SLC37A1: variants seen among roughly 807,000 people sequenced by gnomAD.
SLC37A1 encodes solute carrier family 37 member 1, also known as glucose-6-phosphate exchanger SLC37A1.
Under a neutral mutation model 75.3 loss-of-function variants are expected in SLC37A1, and 49 were observed. That is an observed-to-expected ratio of 0.65 (90% CI 0.52 to 0.83). The LOEUF (loss-of-function observed/expected upper bound fraction) is 0.83. Among genes scored for constraint, SLC37A1 ranks in the 40% least tolerant of loss-of-function variants. The probability of loss-of-function intolerance (pLI) is 0.00; values close to 1 mark genes in which losing one functional copy is unlikely to be tolerated. For synonymous variants in SLC37A1, 268 were observed against 292.1 expected, an observed-to-expected ratio of 0.92 and a Z score of 0.84; for missense variants, 566 against 695.0, an observed-to-expected ratio of 0.81 and a Z score of 2.09.
intron 18 of SLC37A1, among the ~76,000 whole-genome samples, chr21:42,577,699 T>G (rs1255701425): frequency 6.6e-6 from 1 of 152,166 alleles, no homozygotes; most frequent in East Asian, 1.9e-4. Context: ...ATGAAAATGA[T>G]CCCAGCATGC....
chr21:42,553,328 T>C (rs1339761576), intron 9 of SLC37A1, among the ~76,000 whole-genome samples: 1 of 152,264 alleles, frequency 6.6e-6, no homozygotes, highest in Non-Finnish European at 1.5e-5. Flanking sequence ...TACAGACTGA[T>C]TCCTTATTTT....
At position 42,521,047 on chromosome 21, in the gene SLC37A1, G is replaced by A. The variant is rs551675889; in HGVS notation, c.56+2537G>A. Among the ~76,000 whole-genome samples, 61 of 152,314 alleles carry A rather than the reference G, an allele frequency of 4.0e-4. No individual in the cohort carries two copies. In the South Asian group the frequency reaches 0.01, roughly 26 times the overall value. On this transcript the variant is annotated intron_variant, in intron 2 of 19. Transcript: ENST00000352133. Reference sequence around the variant, plus strand: ...GTGGAAGCTGGCCGCTAGGTGGAGCGGGGATGTGGAGCCGCTGCAGGGTAC... The same window carrying A: ...GTGGAAGCTGGCCGCTAGGTGGAGCAGGGATGTGGAGCCGCTGCAGGGTAC...
At chr21:42,513,574 C>T (rs1482535327), upstream of SLC37A1, among the ~76,000 whole-genome samples, 1 of 151,780 alleles carries the variant, frequency 6.6e-6, no homozygotes, top group African/African-American at 2.4e-5. Flanking sequence ...GCCCGGAGGC[C>T]GGTGGGGAGC....
intron 16 of SLC37A1, among the ~76,000 whole-genome samples, chr21:42,567,907 ATCAGGTTGAATTT>A (rs2056020713): frequency 6.6e-6 from 1 of 151,940 alleles, no homozygotes; most frequent in African/African-American, 2.4e-5. Context: ...TTTGCTATTG[ATCAGGTTGAATTT>A]TAGGTCCTGC....
At chr21:42,557,039 G>C (rs1179178642) in intron 10 of SLC37A1, among the ~76,000 whole-genome samples, 1 of 152,250 alleles carries the variant, frequency 6.6e-6, no homozygotes, top group Non-Finnish European at 1.5e-5. Context: ...AATCCTGCAA[G>C]GGCCGTGGGC....
rs1206878961 is a variant in SLC37A1 at position 42,552,063 on chromosome 21, G to A, written c.769-1999G>A. Reference sequence around the variant, plus strand: ...CAAATGAATCACAATTAATATGAAAGAGAGTATTCAATTCTTTACCATTTG... The same window carrying A: ...CAAATGAATCACAATTAATATGAAAAAGAGTATTCAATTCTTTACCATTTG... On this transcript the variant is annotated intron_variant, in intron 9 of 19. Transcript: ENST00000352133. The surrounding 1 kb of genome is among the most constrained non-coding windows in gnomAD (Gnocchi z 4.2). Among the ~76,000 whole-genome samples the A allele has an allele frequency of 6.6e-6, 1 of 152,072 alleles. No individual in the cohort carries two copies. The highest frequency in any genetic ancestry group is 1.5e-5 in the Non-Finnish European group (1 of 68,036).
rs539070885 is a variant in SLC37A1 at position 42,574,843 on chromosome 21, T to A, written c.1449T>A (p.Ala483=). 1 of 1,614,212 alleles carries A rather than the reference T, an allele frequency of 6.2e-7. No individual in the cohort carries two copies. Among genetic ancestry groups the A allele is most frequent in the Non-Finnish European group, 8.5e-7 (1 of 1,180,026 alleles). ...GAGCAGCCCTGGGCCCCCTGCTGGC[T>A]GGGCTCCTCTCCCCGTCCGGCTGGA... ...SVGAALGPLL[A]GLLSPSGWSN... The change falls in exon 18 of 20, where the codon GCT becomes GCA. Residue 483 remains alanine, a synonymous_variant. Transcript: ENST00000352133.
At chr21:42,546,233 T>C (rs1327725827) in intron 8 of SLC37A1, among the ~76,000 whole-genome samples, 1 of 152,216 alleles carries the variant, frequency 6.6e-6, no homozygotes, top group Non-Finnish European at 1.5e-5. Context: ...GGTTCCCGCA[T>C]TGCTCGGGGC....
chr21:42,511,744 A>T (rs2054434748), upstream of SLC37A1, among the ~76,000 whole-genome samples: 1 of 152,180 alleles, frequency 6.6e-6, no homozygotes, highest in Admixed American at 6.5e-5. Context: ...TGACCATTGC[A>T]CTCACGCCAC....
At chr21:42,577,130 C>T (rs142615887) in intron 18 of SLC37A1, among the ~76,000 whole-genome samples, 1,673 of 152,246 alleles carry the variant, frequency 0.011, 22 homozygotes, top group Middle Eastern at 0.034. Context: ...AAGATGCTCC[C>T]AGCAAAAATT....
At chr21:42,522,706 C>T (rs1333121155) in intron 2 of SLC37A1, among the ~76,000 whole-genome samples, 1 of 152,222 alleles carries the variant, frequency 6.6e-6, no homozygotes, top group Non-Finnish European at 1.5e-5. Context: ...TTCCAGTTTG[C>T]TGTGTAAATG....
chr21:42,533,165 C>T (rs923809750), intron 3 of SLC37A1, among the ~76,000 whole-genome samples: 1 of 152,190 alleles, frequency 6.6e-6, no homozygotes, highest in East Asian at 1.9e-4. Context: ...GCGTTCTGTG[C>T]CCTGACCTGG....
intron 13 of SLC37A1, 130 bp from the exon 14 acceptor site, chr21:42,564,578 T>G: frequency 1.4e-6 from 1 of 700,788 alleles, no homozygotes; most frequent in Non-Finnish European, 2.5e-6. Context: ...GAAGGCTGCC[T>G]GCCCGTGATG....
intron 2 of SLC37A1, among the ~76,000 whole-genome samples, chr21:42,522,040 G>T (rs1351634929): frequency 6.6e-6 from 1 of 152,200 alleles, no homozygotes; most frequent in Non-Finnish European, 1.5e-5. Context: ...TTGGCTGGTG[G>T]CTGCATCACA....
intron 17 of SLC37A1, among the ~76,000 whole-genome samples, chr21:42,569,532 C>T (rs545394606): frequency 3.0e-4 from 6 of 20,102 alleles, no homozygotes; most frequent in Admixed American, 2.1e-3. Context: ...CGCACTCCCT[C>T]GTGCCGCACT....
At chr21:42,500,339 A>G (rs1010979663) in intron 1 of SLC37A1, among the ~76,000 whole-genome samples, 4 of 152,226 alleles carry the variant, frequency 2.6e-5, no homozygotes, top group African/African-American at 9.6e-5. Flanking sequence ...TGTTGGTAGT[A>G]TCACACATTG....
chr21:42,565,693 G>A (rs1264937455), intron 14 of SLC37A1, 134 bp from the exon 15 acceptor site: 12 of 753,654 alleles, frequency 1.6e-5, no homozygotes, highest in Admixed American at 7.0e-5. Context: ...TGGCCGTCAC[G>A]CTTTTTTAGG....
chr21:42,499,696 G>C (rs2054323653), exon 1 of SLC37A1: 1 of 152,270 alleles, frequency 6.6e-6, no homozygotes, highest in Non-Finnish European at 1.5e-5. Flanking sequence ...GCCCTCGAGA[G>C]AGTGGAGGGC....
At chr21:42,570,370 C>T (rs2056127446) in intron 17 of SLC37A1, among the ~76,000 whole-genome samples, 1 of 152,006 alleles carries the variant, frequency 6.6e-6, no homozygotes, top group African/African-American at 2.4e-5. Flanking sequence ...TGCTGTTCAC[C>T]AAAGTGAGAC....
Sources: gnomAD v4.1 joint callset for allele counts (sites outside exome capture counted in the v4.1 genomes callset) on GRCh38, gnomAD v4.1.1 for gene constraint, Gnocchi (gnomAD v3.1) non-coding constraint, MANE v1.5 for transcripts, NCBI Gene and HGNC (gene_info 2026-07-23, HGNC 2026-07-21) for gene names.